Variants in GPR176 observed in about 807,000 individuals in gnomAD.
GPR176 encodes the protein G-protein coupled receptor 176.
A neutral mutation model predicts 35.4 loss-of-function variants in GPR176; 26 were observed. That is an observed-to-expected ratio of 0.74 (90% CI 0.54 to 1.02). GPR176 has a LOEUF of 1.02. GPR176 is among the 50% of genes least tolerant of loss of function. GPR176 has a pLI of 0.00. For missense variants in GPR176, 597 were observed against 665.3 expected (o/e 0.90, Z 1.13); for synonymous variants, 278 against 271.3 (o/e 1.02, Z -0.24).
At chr15:39,804,748 A>G (rs1899089198) in intron 2 of GPR176, among the ~76,000 whole-genome samples, 3 of 152,220 alleles carry the variant, frequency 2.0e-5, no homozygotes, top group African/African-American at 7.2e-5. Context: ...TTAAATGAAT[A>G]TATTATTTGG....
chr15:39,844,343 T>C lies in GPR176; in HGVS notation c.173-37085A>G, dbSNP rs115173044. On this transcript the variant is annotated intron_variant, in intron 1 of 2. Transcript: ENST00000561100. The stretch of plus-strand genomic sequence containing the variant: ...CTCCCAGACGGTCTTGAAAAGGTAG[T>C]TTCCAACCACACATCTGGAAATCCT... Among the ~76,000 whole-genome samples, 1,000 of 152,160 alleles carry C rather than the reference T, an allele frequency of 6.6e-3. 12 individuals carry two copies. The highest frequency in any genetic ancestry group is 0.023 in the African/African-American group (958 of 41,518).
At chr15:39,906,139 C>A (rs2033415646) in intron 1 of GPR176, among the ~76,000 whole-genome samples, 2 of 152,330 alleles carry the variant, frequency 1.3e-5, no homozygotes, top group African/African-American at 2.4e-5. Context: ...TAAACTGATA[C>A]ACATTCTATC....
intron 1 of GPR176, among the ~76,000 whole-genome samples, chr15:39,917,230 C>G (rs1036291028): frequency 1.1e-4 from 17 of 151,434 alleles, no homozygotes; most frequent in African/African-American, 4.1e-4. Context: ...TTGCAGTGAG[C>G]TGAGCTGAGA....
chr15:39,869,658 ATTTATTAT>A (rs1223275815), intron 1 of GPR176, among the ~76,000 whole-genome samples: 3 of 151,396 alleles, frequency 2.0e-5, no homozygotes, highest in Non-Finnish European at 4.4e-5. Flanking sequence ...TCTCTCAATT[ATTTATTAT>A]TTTATTATTT....
intron 1 of GPR176, among the ~76,000 whole-genome samples, chr15:39,831,042 A>C (rs1490106469): frequency 6.6e-6 from 1 of 152,224 alleles, no homozygotes; most frequent in Non-Finnish European, 1.5e-5. Context: ...ATTTAGAGTC[A>C]TTAAAAATGG....
At chr15:39,857,228 G>A (rs1206475828) in intron 1 of GPR176, among the ~76,000 whole-genome samples, 1 of 152,166 alleles carries the variant, frequency 6.6e-6, no homozygotes, top group Non-Finnish European at 1.5e-5. Context: ...TTCAGAGAGG[G>A]AATTTAGGTT....
At chr15:39,819,756 A>G (rs1003122076) in intron 1 of GPR176, among the ~76,000 whole-genome samples, 3 of 152,224 alleles carry the variant, frequency 2.0e-5, no homozygotes, top group Non-Finnish European at 2.9e-5. Flanking sequence ...AAAGGAAAAA[A>G]TATGTTGGAA....
At chr15:39,856,790 T>C (rs1252729078) in intron 1 of GPR176, among the ~76,000 whole-genome samples, 2 of 152,246 alleles carry the variant, frequency 1.3e-5, no homozygotes, top group African/African-American at 4.8e-5. Context: ...GATGGGCGGA[T>C]TGGAAGCCAT....
chr15:39,807,267 A>G lies in GPR176; in HGVS notation c.173-9T>C, dbSNP rs767425351. ...TAACACCATGAAGTTTCCTGGTCAG[A>G]TATGAAAGAAAATAAAATAATTTAA... On this transcript the variant is annotated splice_polypyrimidine_tract_variant and intron_variant, in intron 1 of 2. Coordinates refer to ENST00000561100, the MANE Select transcript of GPR176 (RefSeq NM_007223.3). The G allele has an allele frequency of 1.4e-5, 21 of 1,456,126 alleles. No homozygotes were observed. The highest frequency in any genetic ancestry group is 2.5e-5 in the Admixed American group (1 of 39,484). 90.2% of individuals were successfully genotyped at this position (1,456,126 alleles called of 1,614,324 possible).
chr15:39,832,674 C>CACACACACACACAT lies in GPR176; in HGVS notation c.173-25417_173-25416insATGTGTGTGTGTGT, dbSNP rs751778961. Among the ~76,000 whole-genome samples, 158 of 151,956 alleles carry CACACACACACACAT rather than the reference C, an allele frequency of 1.0e-3. 1 individual carries two copies. The highest frequency in any genetic ancestry group is 1.1e-3 in the Non-Finnish European group (73 of 67,948). On this transcript the variant is annotated intron_variant, in intron 1 of 2. Coordinates refer to ENST00000561100, the MANE Select transcript of GPR176 (RefSeq NM_007223.3). ...AGCTAAACACACACACACACACACACACACACACACACACAAATCTTATAA... is the reference window on the plus strand; with the variant it reads ...AGCTAAACACACACACACACACACACACACACACACACATACACACACACACACAAATCTTATAA...
chr15:39,819,080 T>A (rs1005533215), intron 1 of GPR176, among the ~76,000 whole-genome samples: 1 of 152,224 alleles, frequency 6.6e-6, no homozygotes, highest in Non-Finnish European at 1.5e-5. Context: ...TCCCTTTCTA[T>A]AGGTATATGG....
intron 1 of GPR176, among the ~76,000 whole-genome samples, chr15:39,830,541 A>T (rs1901003024): frequency 6.6e-6 from 1 of 152,312 alleles, no homozygotes; most frequent in South Asian, 2.1e-4. Flanking sequence ...CAAGTTGCAC[A>T]GCATGGATAT....
rs559297938 is a variant in GPR176 at position 39,849,938 on chromosome 15, C to T, written c.173-42680G>A. Among the ~76,000 whole-genome samples the T allele has an allele frequency of 5.3e-4, 80 of 151,892 alleles. 2 individuals carry two copies. Among genetic ancestry groups the T allele is most frequent in the Admixed American group, 5.9e-4 (9 of 15,222 alleles). Reference sequence around the variant, plus strand: ...GGCTATATGATATAGCCTATTGCCCCTAGGCTACAAACCTGTACAGGATGT... The same window carrying T: ...GGCTATATGATATAGCCTATTGCCCTTAGGCTACAAACCTGTACAGGATGT... On this transcript the variant is annotated intron_variant, in intron 1 of 2. Coordinates refer to ENST00000561100, the MANE Select transcript of GPR176 (RefSeq NM_007223.3).
intron 1 of GPR176, among the ~76,000 whole-genome samples, chr15:39,820,933 G>A (rs746911957): frequency 1.5e-4 from 23 of 152,246 alleles, no homozygotes; most frequent in Admixed American, 1.2e-3. Context: ...TTTAAGCAAC[G>A]GAGACTTTCT....
Position 39,801,832 on chromosome 15 carries a change from G to C in GPR176, c.848C>G (p.Ala283Gly). 1 of 1,613,824 alleles carries C rather than the reference G, an allele frequency of 6.2e-7. No individual in the cohort carries two copies. The part of the protein sequence containing the change: ...MVFILCSVPY[A>G]TLVVYQTVLN... ...CACAGTCTGGTAGACGACCAGGGTG[G>C]CATAGGGCACGCTACACAAGATGAA... The change falls in exon 3 of 3, where the codon GCC (alanine) becomes GGC (glycine). Residue 283 changes from alanine (A) to glycine (G), a missense_variant. Physicochemically the swap from Ala to Gly is moderately conservative, Grantham distance 60 (BLOSUM62 0). Around this residue, in one of 3 missense-constraint regions of GPR176, gnomAD observed 220 missense variants for 297.6 expected, o/e 0.74. Transcript: ENST00000561100.
chr15:39,901,802 G>A (rs1178877096), intron 1 of GPR176, among the ~76,000 whole-genome samples: 7 of 151,968 alleles, frequency 4.6e-5, no homozygotes, highest in African/African-American at 9.7e-5. Flanking sequence ...GGCCTGGCAC[G>A]GTGGCTCACA....
chr15:39,891,766 G>C (rs2032881571), intron 1 of GPR176, among the ~76,000 whole-genome samples: 1 of 152,190 alleles, frequency 6.6e-6, no homozygotes. Context: ...TTAAGCCCAG[G>C]AGTTGGAGAC....
intron 1 of GPR176, chr15:39,829,187 G>A: frequency 6.5e-7 from 1 of 1,532,186 alleles, no homozygotes; most frequent in Non-Finnish European, 8.7e-7. Flanking sequence ...CTCATGAAGA[G>A]ACAACACCTC....
chr15:39,907,251 C>A lies in GPR176; in HGVS notation c.172+12604G>T, dbSNP rs557209608. Among the ~76,000 whole-genome samples the A allele has an allele frequency of 1.4e-4, 21 of 152,356 alleles. 1 individual carries two copies. The highest frequency in any genetic ancestry group is 6.5e-4 in the Admixed American group (10 of 15,306). On this transcript the variant is annotated intron_variant, in intron 1 of 2. Coordinates refer to ENST00000561100, the MANE Select transcript of GPR176 (RefSeq NM_007223.3). ...CAGGATCTCTCTGCTTTGCTCCTCTCCACCTTTCACCTCTTGCTCGGTGCC... is the reference window on the plus strand; with the variant it reads ...CAGGATCTCTCTGCTTTGCTCCTCTACACCTTTCACCTCTTGCTCGGTGCC...
Sources: gnomAD v4.1 joint callset for allele counts (sites outside exome capture counted in the v4.1 genomes callset) on GRCh38, gnomAD v4.1.1 for gene constraint, gnomAD v4.1.1 regional missense constraint, MANE v1.5 for transcripts, NCBI Gene and HGNC (gene_info 2026-07-23, HGNC 2026-07-21) for gene names.